The following SMC1A variants were observed in gnomAD, a reference collection of about 807,000 sequenced individuals.
SMC1A encodes structural maintenance of chromosomes 1A, also known as structural maintenance of chromosomes protein 1A.
In SMC1A, 4 loss-of-function variants were observed where a neutral mutation model predicts 94.5. The observed-to-expected ratio is 0.04, with a 90% CI of 0.02 to 0.10. SMC1A has a LOEUF of 0.10. Ranked by LOEUF, SMC1A falls within the 10% of genes least tolerant of loss-of-function variation. The probability of loss-of-function intolerance (pLI) is 1.00; values close to 1 mark genes in which losing one functional copy is unlikely to be tolerated. For missense variants in SMC1A, 304 were observed against 989.0 expected (o/e 0.31, Z 9.29); for synonymous variants, 345 against 347.7 (o/e 0.99, Z 0.09).
chrX:53,393,358 T>C (rs191162575), intron 19 of SMC1A, among the ~76,000 whole-genome samples: 12 of 110,987 alleles, frequency 1.1e-4, no homozygotes, highest in Admixed American at 3.9e-4. Context: ...AAGAAAATGT[T>C]ATAGACTAGC....
At chrX:53,398,325 C>T (rs2075659577) in intron 16 of SMC1A, among the ~76,000 whole-genome samples, 1 of 110,990 alleles carries the variant, frequency 9.0e-6, no homozygotes. Context: ...AAGGCCAAAT[C>T]ACCTCAGGAG....
chrX:53,399,318 G>A (rs782524344), intron 16 of SMC1A, among the ~76,000 whole-genome samples: 1 of 112,508 alleles, frequency 8.9e-6, no homozygotes, highest in African/African-American at 3.2e-5. Flanking sequence ...CATTTTCCAC[G>A]ATGTGTTACA....
chrX:53,401,610 G>A (rs1275313173), intron 15 of SMC1A, among the ~76,000 whole-genome samples: 1 of 110,982 alleles, frequency 9.0e-6, no homozygotes, highest in Non-Finnish European at 1.9e-5. Flanking sequence ...TGCCACCAAT[G>A]TCCCACTACT....
Position 53,412,375 on chromosome X carries a change from A to G in SMC1A, c.855-122T>C, listed in dbSNP as rs1467646446. 3 of 673,021 alleles carry G rather than the reference A, an allele frequency of 4.5e-6. No homozygotes were observed. In the African/African-American group the frequency reaches 6.5e-5, roughly 15 times the overall value. The allele number at this position is 673,021 out of a possible 1,213,427, so 55.5% of individuals were successfully genotyped here. ...ACCTCAGGGAATTACTTAAAAGAAC[A>G]TGGGCGTAATGCCCCACAGATCCTG... On this transcript the variant is annotated intron_variant, in intron 5 of 24. Transcript: ENST00000322213.
Position 53,409,055 on chromosome X carries a change from C to A in SMC1A, c.1545+7G>T, listed in dbSNP as rs371494870. ...GCTCAGGAAATGAGTTCCCTCTCTG[C>A]TCTTACCACAGAGCCAGGGTAAAGG... On this transcript the variant is annotated splice_region_variant and intron_variant, in intron 9 of 24. Transcript: ENST00000322213. 2.5e-6 allele frequency: 3 copies of A among 1,204,311 alleles called. No homozygotes were observed. The African/African-American group carries it at 5.3e-5, about 21-fold the overall frequency.
At chrX:53,422,359 C>A in intron 1 of SMC1A, 133 bp downstream of exon 1, 2 of 513,569 alleles carry the variant, frequency 3.9e-6, no homozygotes, top group Non-Finnish European at 6.9e-6. Flanking sequence ...CGAGCAGAAC[C>A]CCCTCTGGAC....
chrX:53,422,183 G>A, intron 1 of SMC1A: 1 of 654,330 alleles, frequency 1.5e-6, no homozygotes, highest in South Asian at 2.9e-5. Context: ...GACTGAGCTG[G>A]CGGGAAGCTG....
chrX:53,401,697 T>C (rs957839636), intron 15 of SMC1A, among the ~76,000 whole-genome samples: 2 of 110,979 alleles, frequency 1.8e-5, no homozygotes, highest in Non-Finnish European at 3.8e-5. Context: ...CAGGGATATA[T>C]ACCCATAGGT....
At chrX:53,388,135 A>G (rs1556886666) in intron 19 of SMC1A, among the ~76,000 whole-genome samples, 1 of 111,077 alleles carries the variant, frequency 9.0e-6, no homozygotes, top group Admixed American at 9.6e-5. Flanking sequence ...AAACCACACA[A>G]AAAGAGCCAC....
intron 16 of SMC1A, among the ~76,000 whole-genome samples, chrX:53,397,050 C>A (rs1415697193): frequency 9.2e-6 from 1 of 108,191 alleles, no homozygotes; most frequent in Non-Finnish European, 1.9e-5. Flanking sequence ...AGTATGGTAA[C>A]ATTTGTTGTT....
chrX:53,413,051 T>C lies in SMC1A; in HGVS notation c.703A>G (p.Ile235Val). The change falls in exon 5 of 25, where the codon ATT becomes GTT. Residue 235 changes from isoleucine to valine, a missense_variant. Coordinates refer to ENST00000322213, the MANE Select transcript of SMC1A (RefSeq NM_006306.4). ...LFKLYHNEVE[I>V]EKLNKELASK... is the part of the protein sequence containing the mutation. ...GCCAGTTCCTTGTTGAGCTTCTCAA[T>C]TTCCACTTCATTATGGTAAAGCTTA... 1 of 1,211,811 alleles carries C rather than the reference T, an allele frequency of 8.3e-7. No homozygotes were observed. The highest frequency in any genetic ancestry group is 1.1e-6 in the Non-Finnish European group (1 of 895,529).
intron 17 of SMC1A, 32 bp downstream of exon 17, chrX:53,396,440 C>T (rs782073707): frequency 9.1e-6 from 11 of 1,210,989 alleles, no homozygotes; most frequent in East Asian, 5.9e-5. Flanking sequence ...GCTCTATCTA[C>T]GTCCTCCCAC....
rs782310979 is a variant in SMC1A at position 53,394,760 on chromosome X, C to T, written c.2973+18G>A. On this transcript the variant is annotated intron_variant, in intron 19 of 24. Coordinates refer to ENST00000322213, the MANE Select transcript of SMC1A (RefSeq NM_006306.4). ...ACCCAACCCCCACCCCCACCACACCCCTGTGGTTGATCCTCACCTTCAGAT... is the reference window on the plus strand; with the variant it reads ...ACCCAACCCCCACCCCCACCACACCTCTGTGGTTGATCCTCACCTTCAGAT... 59 of 884,947 alleles carry T rather than the reference C, an allele frequency of 6.7e-5. No individual in the cohort carries two copies. Among genetic ancestry groups the T allele is most frequent in the Non-Finnish European group, 9.3e-5 (56 of 605,229 alleles). The allele number at this position is 884,947 out of a possible 1,213,427, so 72.9% of individuals were successfully genotyped here. A position where few individuals can be genotyped will look rare whatever the true frequency, so the allele number is the denominator to read the frequency against.
At chrX:53,410,620 T>A (rs2075707625) in intron 7 of SMC1A, among the ~76,000 whole-genome samples, 1 of 107,734 alleles carries the variant, frequency 9.3e-6, no homozygotes, top group Non-Finnish European at 1.9e-5. Flanking sequence ...ACCAACAAGG[T>A]GAAACCCCGT....
Position 53,394,905 on chromosome X carries a change from G to T in SMC1A, c.2863-17C>A. On this transcript the variant is annotated splice_polypyrimidine_tract_variant and intron_variant, in intron 18 of 24. Transcript: ENST00000322213. ...GGAGCTACCCTGCAATGGCAACGGA[G>T]AGTCAAGTGGAGCAGACTGGCCATG... 1 of 991,573 alleles carries T rather than the reference G, an allele frequency of 1.0e-6. No homozygotes were observed. The highest frequency in any genetic ancestry group is 1.4e-6 in the Non-Finnish European group (1 of 694,919). 81.7% of individuals were successfully genotyped at this position (991,573 alleles called of 1,213,427 possible). A position where few individuals can be genotyped will look rare whatever the true frequency, so the allele number is the denominator to read the frequency against.
chrX:53,403,914 G>C, intron 13 of SMC1A, 21 bp from the exon 14 acceptor site: 1 of 1,076,456 alleles, frequency 9.3e-7, no homozygotes, highest in Non-Finnish European at 1.3e-6. Flanking sequence ...TGGGTTGAGA[G>C]GACAAAGCAG....
intron 15 of SMC1A, among the ~76,000 whole-genome samples, chrX:53,402,743 C>T (rs1556889100): frequency 9.7e-6 from 1 of 102,581 alleles, no homozygotes; most frequent in Non-Finnish European, 2.0e-5. Flanking sequence ...CACTTATAGT[C>T]CCAGCTACTC....
chrX:53,420,301 A>G (rs1345691164), intron 1 of SMC1A, among the ~76,000 whole-genome samples: 1 of 111,613 alleles, frequency 9.0e-6, no homozygotes, highest in Non-Finnish European at 1.9e-5. Flanking sequence ...AGGCAGGCAG[A>G]TCACTTGAGC....
chrX:53,386,769 T>C (rs1452915623), intron 19 of SMC1A, among the ~76,000 whole-genome samples: 5 of 110,978 alleles, frequency 4.5e-5, no homozygotes, highest in Non-Finnish European at 7.6e-5. Flanking sequence ...GGAAAAAAAA[T>C]CAAAATGCTA....
Sources: allele counts gnomAD v4.1 joint callset (sites outside exome capture counted in the v4.1 genomes callset), GRCh38; gene constraint gnomAD v4.1.1; transcripts MANE v1.5; gene names NCBI Gene and HGNC (gene_info 2026-07-23, HGNC 2026-07-21).